Variants in ZBTB25 observed in about 807,000 individuals in gnomAD.
ZBTB25 encodes zinc finger and BTB domain containing 25, also known as zinc finger and BTB domain-containing protein 25.
Under a neutral mutation model 34.2 loss-of-function variants are expected in ZBTB25, and 20 were observed. The observed-to-expected ratio is 0.58, with a 90% confidence interval of 0.41 to 0.85. The LOEUF (loss-of-function observed/expected upper bound fraction) is 0.85. Ranked by LOEUF, ZBTB25 falls within the 40% of genes least tolerant of loss-of-function variation. The probability of loss-of-function intolerance (pLI) is 0.00; values close to 1 mark genes in which losing one functional copy is unlikely to be tolerated. For synonymous variants in ZBTB25, 175 were observed against 186.4 expected (o/e 0.94, Z 0.50); for missense variants, 437 against 521.8 (o/e 0.84, Z 1.58).
Position 64,488,010 on chromosome 14 carries a change from C to A in ZBTB25, c.221G>T (p.Ser74Ile), listed in dbSNP as rs983890808. The change falls in exon 3 of 3, where the codon AGC (serine) becomes ATC (isoleucine). Residue 74 changes from serine to isoleucine, a missense_variant. Coordinates refer to ENST00000608382, the MANE Select transcript of ZBTB25 (RefSeq NM_006977.5). Reference sequence around the variant, plus strand: ...CGTGTACATAATGTGCAACAAATAGCTGAATATGTCAGGTTGGATGTCAGT... The same window carrying A: ...CGTGTACATAATGTGCAACAAATAGATGAATATGTCAGGTTGGATGTCAGT... ...QPTDIQPDIF[S>I]YLLHIMYTGK... is the part of the protein sequence containing the mutation. 2 of 1,613,662 alleles carry A rather than the reference C, an allele frequency of 1.2e-6. No individual in the cohort carries two copies. The highest frequency in any genetic ancestry group is 2.2e-5 in the South Asian group (2 of 91,084).
rs757594473 is a variant in ZBTB25 at position 64,487,452 on chromosome 14, T to C, written c.779A>G (p.His260Arg). ...ACCGAATGGCAGGGATCCAGACACA[T>C]GTGTATGGAGATGTTGCCTTAGGTT... Reference protein sequence around the residue: ...RSNLRQHLHTHVSGSLPFGVP... With the variant: ...RSNLRQHLHTRVSGSLPFGVP... Residue 260 changes from histidine to arginine, a missense_variant, in exon 3 of 3, where the codon CAT becomes CGT. His to Arg is a conservative substitution (Grantham distance 29). Coordinates refer to ENST00000608382, the MANE Select transcript of ZBTB25 (RefSeq NM_006977.5). 3 of 1,614,044 alleles carry C rather than the reference T, an allele frequency of 1.9e-6. No homozygotes were observed. Among genetic ancestry groups the C allele is most frequent in the Admixed American group, 1.7e-5 (1 of 60,002 alleles).
chr14:64,487,951 G>T lies in ZBTB25; in HGVS notation c.280C>A (p.Arg94Ser), dbSNP rs776514676. The T allele has an allele frequency of 5.0e-6, 8 of 1,614,112 alleles. No homozygotes were observed. The highest frequency in any genetic ancestry group is 6.8e-6 in the Non-Finnish European group (8 of 1,180,034). Reference sequence around the variant, plus strand: ...AGAAATCGAATCCCTTCCTCCAAACGACTATGATCCACAATCTGTTTTGGC... The same window carrying T: ...AGAAATCGAATCCCTTCCTCCAAACTACTATGATCCACAATCTGTTTTGGC... ...KGPKQIVDHS[R>S]LEEGIRFLHA... is the part of the protein sequence containing the mutation. The change falls in exon 3 of 3, where the codon CGT (arginine) becomes AGT (serine). Residue 94 changes from arginine to serine, a missense_variant. Arg to Ser is a moderately radical substitution (Grantham distance 110, BLOSUM62 -1). Transcript: ENST00000608382.
intron 2 of ZBTB25, chr14:64,453,689 T>A: frequency 2.1e-6 from 2 of 940,726 alleles, no homozygotes; most frequent in Admixed American, 3.6e-5. Flanking sequence ...AATGTGGCTA[T>A]GTCCTGGTTA....
Position 64,486,756 on chromosome 14 carries a change from A to G in ZBTB25, c.*167T>C. 1 of 1,290,994 alleles carries G rather than the reference A, an allele frequency of 7.7e-7. No homozygotes were observed. Among genetic ancestry groups the G allele is most frequent in the Non-Finnish European group, 9.8e-7 (1 of 1,018,698 alleles). 80.0% of individuals were successfully genotyped at this position (1,290,994 alleles called of 1,614,324 possible). A position where few individuals can be genotyped will look rare whatever the true frequency, so the allele number is the denominator to read the frequency against. The stretch of plus-strand genomic sequence containing the variant: ...GAATGTTACATTTTAATAGCCACAT[A>G]TTAATATGTCTTATGAGAAGATCTA... On this transcript the variant is annotated 3_prime_UTR_variant, in exon 3 of 3. Coordinates refer to ENST00000608382, the MANE Select transcript of ZBTB25 (RefSeq NM_006977.5).
chr14:64,457,145 A>G (rs952511756), intron 2 of ZBTB25, among the ~76,000 whole-genome samples: 1 of 152,232 alleles, frequency 6.6e-6, no homozygotes, highest in African/African-American at 2.4e-5. Flanking sequence ...GATTATGTAC[A>G]AAAGTGTCTT....
chr14:64,475,774 G>A (rs1028946863), downstream of ZBTB25, among the ~76,000 whole-genome samples: 2 of 152,116 alleles, frequency 1.3e-5, no homozygotes, highest in Non-Finnish European at 2.9e-5. Context: ...ATGGTGTGGC[G>A]CCGCGTCTGG....
At chr14:64,460,115 C>T in intron 2 of ZBTB25, 1 of 592,774 alleles carries the variant, frequency 1.7e-6, no homozygotes, top group Non-Finnish European at 3.0e-6. Context: ...ATGCAAGTTG[C>T]AGTGTGCCCT....
chr14:64,450,543 T>C (rs2078354225), intron 2 of ZBTB25, among the ~76,000 whole-genome samples: 1 of 152,206 alleles, frequency 6.6e-6, no homozygotes, highest in Non-Finnish European at 1.5e-5. Context: ...AAGGTTCTTA[T>C]TATAGGGTTG....
At chr14:64,492,601 CA>C (rs11419156) in intron 1 of ZBTB25, among the ~76,000 whole-genome samples, 8 of 141,232 alleles carry the variant, frequency 5.7e-5, no homozygotes, top group Admixed American at 7.2e-5. Flanking sequence ...TAAGTTGTCT[CA>C]AAAAAAAAAA....
At chr14:64,502,744 C>G in intron 1 of ZBTB25, 1 of 983,202 alleles carries the variant, frequency 1.0e-6, no homozygotes, top group South Asian at 4.7e-5. Context: ...GTGTCTGGAG[C>G]CTTGGAGTCT....
At chr14:64,499,001 C>A (rs920670046) in intron 1 of ZBTB25, among the ~76,000 whole-genome samples, 1 of 152,180 alleles carries the variant, frequency 6.6e-6, no homozygotes, top group Non-Finnish European at 1.5e-5. Context: ...ACCACTGCCT[C>A]AGAAGAACAC....
chr14:64,462,836 G>A (rs755113718), intron 2 of ZBTB25: 1 of 152,186 alleles, frequency 6.6e-6, no homozygotes, highest in African/African-American at 2.4e-5. Context: ...CCCAGGGAAC[G>A]GGGTTGGAGG....
chr14:64,494,156 A>T (rs144287519), intron 1 of ZBTB25, among the ~76,000 whole-genome samples: 69 of 152,354 alleles, frequency 4.5e-4, no homozygotes, highest in Middle Eastern at 3.4e-3. Context: ...AAACATCGTC[A>T]TTGAGGAAAG....
At chr14:64,502,002 C>T (rs2079513932) in intron 1 of ZBTB25, among the ~76,000 whole-genome samples, 1 of 152,184 alleles carries the variant, frequency 6.6e-6, no homozygotes, top group Admixed American at 6.5e-5. Flanking sequence ...GAGAGATAAG[C>T]GATCTAGGCT....
chr14:64,480,464 G>A lies in ZBTB25; in HGVS notation c.*6459C>T, dbSNP rs1487443791. 5 of 313,310 alleles carry A rather than the reference G, an allele frequency of 1.6e-5. No individual in the cohort carries two copies. Among genetic ancestry groups the A allele is most frequent in the South Asian group, 7.6e-5 (3 of 39,334 alleles). The allele number at this position is 313,310 out of a possible 1,614,324, so 19.4% of individuals were successfully genotyped here. ...TTTTCGATTAACACAGATTATGGTC[G>A]GTAAGAATTAGGTCCACAAATGCAT... is the stretch of plus-strand genomic sequence containing the variant. On this transcript the variant is annotated 3_prime_UTR_variant, in exon 3 of 3. Coordinates refer to ENST00000608382, the MANE Select transcript of ZBTB25 (RefSeq NM_006977.5).
Position 64,459,973 on chromosome 14 carries a change from C to T in ZBTB25, c.174-10335G>A, listed in dbSNP as rs535958062. ...CATGCATGTCTGTTTACTTTAGTGACGTTCCACAGAATAAAAGGAAACAAG... is the reference window on the plus strand; with the variant it reads ...CATGCATGTCTGTTTACTTTAGTGATGTTCCACAGAATAAAAGGAAACAAG... On this transcript the variant is annotated intron_variant, in intron 2 of 2. Coordinates refer to the ZBTB25 transcript ENST00000555220. 1.4e-4 allele frequency: 213 copies of T among 1,478,682 alleles called. 1 individual carries two copies. The highest frequency in any genetic ancestry group is 6.8e-4 in the Admixed American group (34 of 49,662). 91.6% of individuals were successfully genotyped at this position (1,478,682 alleles called of 1,614,324 possible).
In ZBTB25 at chr14:64,480,703, G is replaced by A. The variant is rs191008950; in HGVS notation, c.*6220C>T. On this transcript the variant is annotated 3_prime_UTR_variant, in exon 3 of 3. Coordinates refer to ENST00000608382, the MANE Select transcript of ZBTB25 (RefSeq NM_006977.5). ...TGTCGCCAGGCTGGAGTGCAGTGGC[G>A]CAATCTCGGCTCACTGCAACCTCCG... is the stretch of plus-strand genomic sequence containing the variant. 1.9e-4 allele frequency: 29 copies of A among 153,016 alleles called. No individual in the cohort carries two copies. Among genetic ancestry groups the A allele is most frequent in the East Asian group, 3.8e-4 (2 of 5,226 alleles). The allele number at this position is 153,016 out of a possible 1,614,324, so 9.5% of individuals were successfully genotyped here. A position where few individuals can be genotyped will look rare whatever the true frequency, so the allele number is the denominator to read the frequency against.
chr14:64,489,756 G>C (rs1043538672), intron 2 of ZBTB25, among the ~76,000 whole-genome samples: 25 of 150,938 alleles, frequency 1.7e-4, no homozygotes, highest in African/African-American at 4.4e-4. Context: ...GGCTGGTCTC[G>C]AACTCCTGAC....
At position 64,478,981 on chromosome 14, in the gene ZBTB25, CT is replaced by C. The variant is rs1447950048; in HGVS notation, c.*7941del. On this transcript the variant is annotated 3_prime_UTR_variant, in exon 3 of 3. Coordinates refer to ENST00000608382, the MANE Select transcript of ZBTB25 (RefSeq NM_006977.5). ...AAACATTATATGAATAGATTCAAAACTGTCTTGCTGATTAATACATCTCTGA... is the reference window on the plus strand; with the variant it reads ...AAACATTATATGAATAGATTCAAAACGTCTTGCTGATTAATACATCTCTGA... 1.3e-5 allele frequency: 2 copies of C among 152,170 alleles called. No individual in the cohort carries two copies. The highest frequency in any genetic ancestry group is 2.9e-5 in the Non-Finnish European group (2 of 68,030). The allele number at this position is 152,170 out of a possible 1,614,324, so 9.4% of individuals were successfully genotyped here. A position where few individuals can be genotyped will look rare whatever the true frequency, so the allele number is the denominator to read the frequency against.
Sources: gnomAD v4.1 joint callset for allele counts (sites outside exome capture counted in the v4.1 genomes callset) on GRCh38, gnomAD v4.1.1 for gene constraint, MANE v1.5 for transcripts, NCBI Gene and HGNC (gene_info 2026-07-23, HGNC 2026-07-21) for gene names.